Variants in IMPG2 observed in about 807,000 individuals in gnomAD.
IMPG2 encodes IPM 200.
IMPG2 carries 91 observed loss-of-function variants against 129.2 expected under a neutral mutation model. The ratio of observed to expected loss-of-function variants is 0.70; its 90% CI spans 0.59 to 0.84. The LOEUF (loss-of-function observed/expected upper bound fraction) is 0.84, where lower values mean the gene tolerates loss of function less well. Among genes scored for constraint, IMPG2 ranks in the 40% least tolerant of loss-of-function variants. The pLI is 0.00. For missense variants in IMPG2, 1,430 were observed against 1,461.7 expected, an observed-to-expected ratio of 0.98 and a Z score of 0.35; for synonymous variants, 510 against 517.7, an observed-to-expected ratio of 0.99 and a Z score of 0.20.
intron 3 of IMPG2, among the ~76,000 whole-genome samples, chr3:101,297,188 G>A (rs1372416609): frequency 2.0e-5 from 3 of 152,226 alleles, no homozygotes; most frequent in South Asian, 2.1e-4. Flanking sequence ...GATTACAGGC[G>A]TGAGCCACCA....
intron 9 of IMPG2, among the ~76,000 whole-genome samples, chr3:101,261,337 C>T (rs931981044): frequency 1.3e-5 from 2 of 152,094 alleles, no homozygotes; most frequent in African/African-American, 2.4e-5. Flanking sequence ...GGTTCTTAGG[C>T]TATGCAGAAA....
At chr3:101,239,404 G>A (rs1157505831) in intron 14 of IMPG2, among the ~76,000 whole-genome samples, 1 of 152,216 alleles carries the variant, frequency 6.6e-6, no homozygotes. Flanking sequence ...CAAGCCAGTG[G>A]AATGGCGATC....
chr3:101,244,797 A>C lies in IMPG2; in HGVS notation c.1544-10T>G, dbSNP rs1706458274. On this transcript the variant is annotated splice_polypyrimidine_tract_variant and intron_variant, in intron 12 of 18. Transcript: ENST00000193391. ...TCAACATTGGCTAATCCTAAAAATA[A>C]AGTTTTCCATTAATTAATCTACAGA... is the stretch of plus-strand genomic sequence containing the variant. 6.2e-7 allele frequency: 1 copy of C among 1,611,086 alleles called. No homozygotes were observed.
chr3:101,248,897 A>T (rs1256135674), intron 11 of IMPG2, among the ~76,000 whole-genome samples: 1 of 152,018 alleles, frequency 6.6e-6, no homozygotes, highest in Non-Finnish European at 1.5e-5. Flanking sequence ...TAGGAGGCTG[A>T]CCCCTGTGAT....
intron 9 of IMPG2, 91 bp from the exon 10 acceptor site, chr3:101,257,864 G>C: frequency 1.4e-6 from 2 of 1,424,922 alleles, no homozygotes; most frequent in Admixed American, 1.7e-5. Flanking sequence ...ATTGGACCTA[G>C]AGGGGGAGTC....
At chr3:101,299,755 C>T (rs1454877991) in intron 3 of IMPG2, among the ~76,000 whole-genome samples, 1 of 152,132 alleles carries the variant, frequency 6.6e-6, no homozygotes, top group African/African-American at 2.4e-5. Context: ...GGCTGGAGAA[C>T]AGCAAAGATG....
At chr3:101,271,164 C>A (rs1425018778) in intron 7 of IMPG2, among the ~76,000 whole-genome samples, 1 of 152,134 alleles carries the variant, frequency 6.6e-6, no homozygotes, top group Non-Finnish European at 1.5e-5. Context: ...GTAGAAGACA[C>A]AGGACTAGAA....
At chr3:101,283,407 G>A (rs1027353457) in intron 4 of IMPG2, among the ~76,000 whole-genome samples, 4 of 152,076 alleles carry the variant, frequency 2.6e-5, no homozygotes, top group African/African-American at 9.7e-5. Context: ...CATTGCCCCT[G>A]TAGTTTTTAT....
At chr3:101,239,004 A>C (rs1706377818) in intron 14 of IMPG2, among the ~76,000 whole-genome samples, 1 of 152,230 alleles carries the variant, frequency 6.6e-6, no homozygotes, top group Non-Finnish European at 1.5e-5. Context: ...ACATAGGCTC[A>C]AAATAAAGGG....
rs371670690 is a variant in IMPG2, at chr3:101,242,942, C to T, written c.2803-35G>A. 26 of 1,557,374 alleles carry T rather than the reference C, an allele frequency of 1.7e-5. No homozygotes were observed. In the African/African-American group the frequency reaches 3.0e-4, roughly 18 times the overall value. Reference sequence around the variant, plus strand: ...ACAAAAGTGGTAAGTTTATTGACAGCGTGTCACATTTTGTTCAATACATAC... The same window carrying T: ...ACAAAAGTGGTAAGTTTATTGACAGTGTGTCACATTTTGTTCAATACATAC... On this transcript the variant is annotated intron_variant, in intron 13 of 18. Coordinates refer to ENST00000193391, the MANE Select transcript of IMPG2 (RefSeq NM_016247.4).
At position 101,222,683 on chromosome 3, in the gene IMPG2, G is replaced by A. The variant is rs1706177148; in HGVS notation, c.*4286C>T. The A allele has an allele frequency of 6.6e-6, 1 of 151,964 alleles. No homozygotes were observed. The highest frequency in any genetic ancestry group is 1.5e-5 in the Non-Finnish European group (1 of 67,992). The allele number at this position is 151,964 out of a possible 1,614,324, so 9.4% of individuals were successfully genotyped here. A position where few individuals can be genotyped will look rare whatever the true frequency, so the allele number is the denominator to read the frequency against. Reference sequence around the variant, plus strand: ...AAGACTAGAACATTTCAATAAAATAGTACAGTTAACATGAATTTATTTGAT... The same window carrying A: ...AAGACTAGAACATTTCAATAAAATAATACAGTTAACATGAATTTATTTGAT... On this transcript the variant is annotated 3_prime_UTR_variant, in exon 19 of 19. Transcript: ENST00000193391.
chr3:101,229,310 A>ACCCCCCCCCCC, intron 17 of IMPG2, 70 bp downstream of exon 17: 1 of 348,674 alleles, frequency 2.9e-6, no homozygotes, highest in Admixed American at 3.4e-5. Flanking sequence ...ACCCCCACCC[A>ACCCCCCCCCCC]CCACCCCCTG....
chr3:101,309,777 C>G (rs1011543646), intron 2 of IMPG2, among the ~76,000 whole-genome samples: 1 of 152,110 alleles, frequency 6.6e-6, no homozygotes, highest in Admixed American at 6.5e-5. Context: ...CAACTTTATT[C>G]ATAATAACTT....
rs1263613125 is a variant in IMPG2, at chr3:101,229,382, C to T, written c.3631G>A (p.Glu1211Lys). The change falls in exon 17 of 19, where the codon GAG becomes AAG. Residue 1211 changes from glutamate (E) to lysine (K), a missense_variant and splice_region_variant. By Grantham distance (56) the Glu-to-Lys change is moderately conservative. Transcript: ENST00000193391. Reference protein sequence around the residue: ...QMYESSELSREEIQERMRVLE... With the variant: ...QMYESSELSRKEIQERMRVLE... ...AACATAAATGCAAAGTTTCCCACCT[C>T]TCTGGAAAGCTCACTGCTCTCATAC... 1 of 1,602,216 alleles carries T rather than the reference C, an allele frequency of 6.2e-7. No individual in the cohort carries two copies. The highest frequency in any genetic ancestry group is 8.5e-7 in the Non-Finnish European group (1 of 1,173,730).
At chr3:101,292,260 T>A (rs1707026511) in intron 3 of IMPG2, among the ~76,000 whole-genome samples, 1 of 152,190 alleles carries the variant, frequency 6.6e-6, no homozygotes, top group African/African-American at 2.4e-5. Context: ...TCTCCCAGAA[T>A]AATCTCAGCC....
At chr3:101,275,326 G>A (rs1375415801) in intron 6 of IMPG2, among the ~76,000 whole-genome samples, 1 of 152,056 alleles carries the variant, frequency 6.6e-6, no homozygotes, top group East Asian at 1.9e-4. Context: ...ACTAAAGAAG[G>A]CTAAGATCTG....
chr3:101,284,407 G>A (rs1252544664), intron 4 of IMPG2, among the ~76,000 whole-genome samples: 2 of 152,172 alleles, frequency 1.3e-5, no homozygotes, highest in Non-Finnish European at 2.9e-5. Context: ...GCCCAGTCCA[G>A]TGCTCTTCTT....
chr3:101,281,689 C>A (rs549037811), intron 4 of IMPG2, among the ~76,000 whole-genome samples: 2 of 152,266 alleles, frequency 1.3e-5, no homozygotes, highest in South Asian at 4.2e-4. Context: ...ATCGGCAGAT[C>A]TTAAAATAGG....
At position 101,243,700 on chromosome 3, in the gene IMPG2, C is replaced by T. The variant is rs768016573; in HGVS notation, c.2631G>A (p.Met877Ile). ...CTTCTGTGGGCCAAGCCACACTAACCATCTCTGTGGAGTGAACACTTGTTG... is the reference window on the plus strand; with the variant it reads ...CTTCTGTGGGCCAAGCCACACTAACTATCTCTGTGGAGTGAACACTTGTTG... ...EMSTSVHSTE[M>I]VSVAWPTEGG... The change falls in exon 13 of 19, where the codon ATG (methionine) becomes ATA (isoleucine). Residue 877 changes from methionine (M) to isoleucine (I), a missense_variant. Transcript: ENST00000193391. The T allele has an allele frequency of 1.5e-5, 25 of 1,613,988 alleles. No homozygotes were observed. Among genetic ancestry groups the T allele is most frequent in the East Asian group, 2.2e-5 (1 of 44,894 alleles).
Sources: gnomAD v4.1 joint callset for allele counts (sites outside exome capture counted in the v4.1 genomes callset) on GRCh38, gnomAD v4.1.1 for gene constraint, MANE v1.5 for transcripts, NCBI Gene and HGNC (gene_info 2026-07-23, HGNC 2026-07-21) for gene names.